Variants in GREB1L observed in about 807,000 individuals in gnomAD.
GREB1L encodes the protein GREB1 like retinoic acid receptor coactivator.
Under a neutral mutation model 200.8 loss-of-function variants are expected in GREB1L, and 17 were observed. The ratio of observed to expected loss-of-function variants is 0.08; its 90% CI spans 0.06 to 0.13. The LOEUF (loss-of-function observed/expected upper bound fraction) is 0.13. Ranked by LOEUF, GREB1L falls within the 10% of genes least tolerant of loss-of-function variation. The pLI is 1.00. For missense variants in GREB1L, 1,657 were observed against 2,367.7 expected (o/e 0.70, Z 6.23); for synonymous variants, 789 against 893.0 (o/e 0.88, Z 2.08).
Position 21,440,403 on chromosome 18 carries a change from G to C in GREB1L, c.1069+15G>C. Reference sequence around the variant, plus strand: ...TTCAAGAACGGGTAAGATTTTAACAGAAGATGGATTGTAAGTGTGTTTTTA... The same window carrying C: ...TTCAAGAACGGGTAAGATTTTAACACAAGATGGATTGTAAGTGTGTTTTTA... On this transcript the variant is annotated intron_variant, in intron 9 of 32. Transcript: ENST00000424526. 1 of 1,549,170 alleles carries C rather than the reference G, an allele frequency of 6.5e-7. No individual in the cohort carries two copies. The highest frequency in any genetic ancestry group is 8.7e-7 in the Non-Finnish European group (1 of 1,145,218).
At chr18:21,269,228 C>T (rs1255348480) in intron 1 of GREB1L, among the ~76,000 whole-genome samples, 1 of 151,942 alleles carries the variant, frequency 6.6e-6, no homozygotes, top group Non-Finnish European at 1.5e-5. Flanking sequence ...AAATTGGGGC[C>T]CCAGAGATAC....
intron 1 of GREB1L, among the ~76,000 whole-genome samples, chr18:21,247,837 A>T (rs181609646): frequency 6.6e-6 from 1 of 152,166 alleles, no homozygotes; most frequent in Non-Finnish European, 1.5e-5. Flanking sequence ...GTAGAGTTGC[A>T]CTTAGAGCTT....
intron 1 of GREB1L, among the ~76,000 whole-genome samples, chr18:21,354,726 G>A (rs2039479876): frequency 6.6e-6 from 1 of 152,110 alleles, no homozygotes; most frequent in South Asian, 2.1e-4. Context: ...GGCAAAAGAA[G>A]TTTAAATAGA....
chr18:21,432,203 G>A (rs1156680907), intron 7 of GREB1L, among the ~76,000 whole-genome samples: 1 of 152,012 alleles, frequency 6.6e-6, no homozygotes, highest in East Asian at 1.9e-4. Context: ...GATTACAGGC[G>A]TGAGCCACCG....
At chr18:21,365,066 C>A (rs2039645574) in intron 1 of GREB1L, among the ~76,000 whole-genome samples, 1 of 151,922 alleles carries the variant, frequency 6.6e-6, no homozygotes, top group South Asian at 2.1e-4. Context: ...TGAAGACATT[C>A]TTCTGACAGT....
intron 27 of GREB1L, among the ~76,000 whole-genome samples, chr18:21,510,287 T>C (rs2037187281): frequency 6.6e-6 from 1 of 152,098 alleles, no homozygotes; most frequent in Non-Finnish European, 1.5e-5. Flanking sequence ...TACATTCACA[T>C]TGTTTTAAGA....
At chr18:21,435,304 C>T (rs2033465413) in intron 7 of GREB1L, among the ~76,000 whole-genome samples, 1 of 152,188 alleles carries the variant, frequency 6.6e-6, no homozygotes, top group Admixed American at 6.5e-5. Flanking sequence ...AGTGACATAA[C>T]AATCTGATTC....
At chr18:21,432,228 T>A (rs1004717041) in intron 7 of GREB1L, among the ~76,000 whole-genome samples, 1 of 152,098 alleles carries the variant, frequency 6.6e-6, no homozygotes, top group Non-Finnish European at 1.5e-5. Flanking sequence ...CGGCCTAGAG[T>A]CTATTTCTTC....
intron 1 of GREB1L, among the ~76,000 whole-genome samples, chr18:21,346,109 T>C (rs2039340966): frequency 6.6e-6 from 1 of 151,512 alleles, no homozygotes; most frequent in African/African-American, 2.4e-5. Context: ...ACAATAGGGG[T>C]GGAGAAAAGA....
At chr18:21,426,973 C>CAAAAAAAAAA (rs56776768) in intron 7 of GREB1L, among the ~76,000 whole-genome samples, 1 of 83,788 alleles carries the variant, frequency 1.2e-5, no homozygotes, top group African/African-American at 3.2e-5. Flanking sequence ...AAAAAAAAAA[C>CAAAAAAAAAA]AAAAAAAAAA....
intron 1 of GREB1L, among the ~76,000 whole-genome samples, chr18:21,250,322 G>A (rs536602534): frequency 6.6e-6 from 1 of 152,270 alleles, no homozygotes; most frequent in African/African-American, 2.4e-5. Flanking sequence ...AGCGTGATCT[G>A]TCAATTCCTC....
At position 21,523,070 on chromosome 18, in the gene GREB1L, A is replaced by G; in HGVS notation, c.*249A>G. ...AGGCAGTTATGCAATTACTTAAGAT[A>G]CGGTCTGCCCATGGGATCCTGAGGA... On this transcript the variant is annotated 3_prime_UTR_variant, in exon 33 of 33. Coordinates refer to ENST00000424526, the MANE Select transcript of GREB1L (RefSeq NM_001142966.3). 2 of 372,900 alleles carry G rather than the reference A, an allele frequency of 5.4e-6. No individual in the cohort carries two copies. Among genetic ancestry groups the G allele is most frequent in the Admixed American group, 4.5e-5 (1 of 22,374 alleles). 23.1% of individuals were successfully genotyped at this position (372,900 alleles called of 1,614,324 possible).
intron 7 of GREB1L, among the ~76,000 whole-genome samples, chr18:21,431,919 CTTTTTTTT>C (rs773523492): frequency 2.2e-5 from 2 of 91,278 alleles, no homozygotes; most frequent in African/African-American, 1.1e-4. Context: ...CTTTTCTTTT[CTTTTTTTT>C]TTTTTTTTTT....
intron 15 of GREB1L, among the ~76,000 whole-genome samples, chr18:21,466,210 A>G (rs1020214677): frequency 1.1e-4 from 17 of 152,130 alleles, no homozygotes; most frequent in Admixed American, 4.6e-4. Context: ...ACTGATGTAC[A>G]TTTGTAATGT....
chr18:21,272,634 C>T, intron 1 of GREB1L, among the ~76,000 whole-genome samples: 1 of 152,120 alleles, frequency 6.6e-6, no homozygotes, highest in East Asian at 1.9e-4. Context: ...CCTTCCTTGA[C>T]CTCTCCAGAC....
At chr18:21,263,693 C>T (rs1444705491) in intron 1 of GREB1L, among the ~76,000 whole-genome samples, 1 of 152,140 alleles carries the variant, frequency 6.6e-6, no homozygotes, top group Non-Finnish European at 1.5e-5. Flanking sequence ...GGTAGAGCTA[C>T]TCCTTACTTT....
intron 7 of GREB1L, among the ~76,000 whole-genome samples, chr18:21,417,731 C>A (rs2031775271): frequency 1.3e-5 from 2 of 151,982 alleles, no homozygotes; most frequent in Admixed American, 1.3e-4. Flanking sequence ...GTGGCTCACA[C>A]CTGTAATCCC....
chr18:21,297,264 T>C (rs947773668), intron 1 of GREB1L, among the ~76,000 whole-genome samples: 1 of 152,164 alleles, frequency 6.6e-6, no homozygotes, highest in African/African-American at 2.4e-5. Context: ...CCTAACCAGG[T>C]TTCCCAGCCC....
At chr18:21,350,411 G>T (rs1313516989) in intron 1 of GREB1L, among the ~76,000 whole-genome samples, 2 of 151,406 alleles carry the variant, frequency 1.3e-5, no homozygotes, top group Admixed American at 1.3e-4. Context: ...CTAATTTTTT[G>T]TATTTTTAGT....
Sources: gnomAD v4.1 joint callset for allele counts (sites outside exome capture counted in the v4.1 genomes callset) on GRCh38, gnomAD v4.1.1 for gene constraint, MANE v1.5 for transcripts, NCBI Gene and HGNC (gene_info 2026-07-23, HGNC 2026-07-21) for gene names.